The following CSMD1 variants were observed in gnomAD, a reference collection of about 807,000 sequenced individuals.
CSMD1 encodes CUB and Sushi multiple domains 1, also known as CUB and sushi domain-containing protein 1.
A neutral mutation model predicts 417.5 loss-of-function variants in CSMD1; 213 were observed. The ratio of observed to expected loss-of-function variants is 0.51; its 90% confidence interval spans 0.46 to 0.57. CSMD1 has a LOEUF of 0.57. Ranked by LOEUF, CSMD1 falls within the 20% of genes least tolerant of loss-of-function variation. CSMD1 has a pLI of 0.00. For missense variants in CSMD1, 6,923 were observed against 4,529.7 expected (o/e 1.53, Z -15.17); for synonymous variants, 2,862 against 1,736.8 (o/e 1.65, Z -16.11).
At chr8:3,670,291 C>T (rs1004096866) in intron 7 of CSMD1, among the ~76,000 whole-genome samples, 1 of 151,954 alleles carries the variant, frequency 6.6e-6, no homozygotes, top group African/African-American at 2.4e-5. Flanking sequence ...ACATCCTTCT[C>T]CTGTGCCGGA....
chr8:4,889,249 G>C (rs902666097), intron 1 of CSMD1, among the ~76,000 whole-genome samples: 1 of 152,054 alleles, frequency 6.6e-6, no homozygotes, highest in South Asian at 2.1e-4. Context: ...CACAAAATTA[G>C]TTCTATTATT....
intron 7 of CSMD1, 74 bp from the exon 8 acceptor site, chr8:3,616,871 G>A (rs1802166906): frequency 7.9e-6 from 8 of 1,008,310 alleles, no homozygotes; most frequent in Non-Finnish European, 1.2e-5. Context: ...ATTTATTCTA[G>A]GCATTTTCAG....
At chr8:3,601,551 G>T (rs1653270142) in intron 8 of CSMD1, among the ~76,000 whole-genome samples, 1 of 152,084 alleles carries the variant, frequency 6.6e-6, no homozygotes, top group East Asian at 1.9e-4. Context: ...ACTTATAAAA[G>T]GTCTAACATT....
intron 3 of CSMD1, among the ~76,000 whole-genome samples, chr8:4,168,632 T>TC (rs1377973407): frequency 6.6e-6 from 1 of 152,100 alleles, no homozygotes. Context: ...ACATCTTAGA[T>TC]CATCATGTTT....
intron 3 of CSMD1, among the ~76,000 whole-genome samples, chr8:4,091,028 C>A (rs980305503): frequency 4.0e-5 from 6 of 151,658 alleles, no homozygotes; most frequent in African/African-American, 1.5e-4. Flanking sequence ...AAGTGATTCT[C>A]CTGTCTCAGC....
intron 5 of CSMD1, among the ~76,000 whole-genome samples, chr8:3,787,649 G>A (rs1799519221): frequency 6.6e-6 from 1 of 152,074 alleles, no homozygotes; most frequent in Non-Finnish European, 1.5e-5. Context: ...AAATAAGGCA[G>A]CTTGGTAATA....
intron 2 of CSMD1, among the ~76,000 whole-genome samples, chr8:4,493,390 C>G (rs539539769): frequency 6.6e-6 from 1 of 152,074 alleles, no homozygotes; most frequent in Non-Finnish European, 1.5e-5. Flanking sequence ...ACTACTGATA[C>G]AAACACATTC....
chr8:2,940,524 G>A (rs1218326143), intron 69 of CSMD1, among the ~76,000 whole-genome samples: 1 of 152,078 alleles, frequency 6.6e-6, no homozygotes, highest in East Asian at 1.9e-4. Flanking sequence ...CTTATCTCTG[G>A]CTCTGTAATC....
At chr8:4,742,940 G>C (rs1275381166) in intron 1 of CSMD1, among the ~76,000 whole-genome samples, 2 of 152,130 alleles carry the variant, frequency 1.3e-5, no homozygotes, top group Non-Finnish European at 2.9e-5. Context: ...ATGTATAAAT[G>C]ATACCAAAAG....
intron 7 of CSMD1, among the ~76,000 whole-genome samples, chr8:3,663,923 G>C (rs1798549919): frequency 6.6e-6 from 1 of 152,160 alleles, no homozygotes; most frequent in African/African-American, 2.4e-5. Context: ...ACTGAGTCAT[G>C]TTTCAGATAT....
chr8:3,050,649 T>C (rs928280424), intron 50 of CSMD1, among the ~76,000 whole-genome samples: 16 of 152,088 alleles, frequency 1.1e-4, no homozygotes, highest in South Asian at 4.2e-4. Flanking sequence ...CCGTCTTAAA[T>C]AGAAAATAAC....
intron 3 of CSMD1, among the ~76,000 whole-genome samples, chr8:4,357,200 G>T (rs1448296975): frequency 6.6e-6 from 1 of 152,130 alleles, no homozygotes; most frequent in African/African-American, 2.4e-5. Flanking sequence ...GTGTTCTTAA[G>T]TAGCTAAGGG....
chr8:4,773,653 A>G (rs886620604), intron 1 of CSMD1, among the ~76,000 whole-genome samples: 1 of 152,148 alleles, frequency 6.6e-6, no homozygotes, highest in Non-Finnish European at 1.5e-5. Flanking sequence ...CGAGCACTGC[A>G]ATGTGTTTGT....
chr8:2,962,384 C>T, intron 61 of CSMD1, 82 bp downstream of exon 61: 2 of 1,289,328 alleles, frequency 1.6e-6, no homozygotes, highest in East Asian at 2.4e-5. Context: ...TCTATGTAAT[C>T]ACAAATGACC....
intron 1 of CSMD1, among the ~76,000 whole-genome samples, chr8:4,641,268 C>T (rs1432330811): frequency 6.6e-6 from 1 of 152,016 alleles, no homozygotes; most frequent in Non-Finnish European, 1.5e-5. Flanking sequence ...CAACTGGAAT[C>T]TAAATCATCT....
chr8:4,174,891 C>G (rs904590356), intron 3 of CSMD1, among the ~76,000 whole-genome samples: 3 of 150,496 alleles, frequency 2.0e-5, no homozygotes, highest in Non-Finnish European at 4.4e-5. Flanking sequence ...CTAGACATCT[C>G]AGCCACACTC....
chr8:4,316,131 A>G (rs1484434610), intron 3 of CSMD1, among the ~76,000 whole-genome samples: 2 of 152,120 alleles, frequency 1.3e-5, no homozygotes, highest in African/African-American at 4.8e-5. Flanking sequence ...TAACCATTCA[A>G]AAACCTTCAA....
rs182696892 is a variant in CSMD1, at chr8:4,466,220, G to C, written c.303-46155C>G. On this transcript the variant is annotated intron_variant, in intron 2 of 69. Coordinates refer to ENST00000635120, the MANE Select transcript of CSMD1 (RefSeq NM_033225.6). ...TGATGCTTTTATAATAGTGAGACAG[G>C]GATCTCTCCTGGCTATCCTTCCCAG... Among the ~76,000 whole-genome samples, 12 of 152,142 alleles carry C rather than the reference G, an allele frequency of 7.9e-5. No homozygotes were observed. In the East Asian group the frequency reaches 2.1e-3, roughly 27 times the overall value.
intron 2 of CSMD1, among the ~76,000 whole-genome samples, chr8:4,631,915 G>A (rs953486800): frequency 6.6e-5 from 10 of 152,042 alleles, no homozygotes; most frequent in Admixed American, 2.0e-4. Flanking sequence ...TTTCTATATT[G>A]AGTGGTAAAA....
Sources: allele counts gnomAD v4.1 joint callset (sites outside exome capture counted in the v4.1 genomes callset), GRCh38; gene constraint gnomAD v4.1.1; transcripts MANE v1.5; gene names NCBI Gene and HGNC (gene_info 2026-07-23, HGNC 2026-07-21).